ATG3: variants seen among roughly 807,000 people sequenced by gnomAD.
ATG3 encodes autophagy related 3, also known as ubiquitin-like-conjugating enzyme ATG3.
A neutral mutation model predicts 50.7 loss-of-function variants in ATG3; 25 were observed. The observed-to-expected ratio is 0.49, with a 90% CI of 0.36 to 0.69. The LOEUF is 0.69. ATG3 is among the 30% of genes least tolerant of loss of function. The pLI is 0.00. For synonymous variants in ATG3, 119 were observed against 125.5 expected (o/e 0.95, Z 0.34); for missense variants, 281 against 376.0 (o/e 0.75, Z 2.09).
At chr3:112,548,208 T>G (rs1933422821) in intron 5 of ATG3, among the ~76,000 whole-genome samples, 1 of 152,004 alleles carries the variant, frequency 6.6e-6, no homozygotes, top group Non-Finnish European at 1.5e-5. Flanking sequence ...AAAAATTAGC[T>G]GGGCGTGGGG....
At chr3:112,545,792 G>A (rs542425015) in intron 5 of ATG3, among the ~76,000 whole-genome samples, 1 of 152,092 alleles carries the variant, frequency 6.6e-6, no homozygotes, top group South Asian at 2.1e-4. Flanking sequence ...TACTCTAAAG[G>A]GTTATGGTAA....
chr3:112,534,776 TA>T (rs10718853), intron 10 of ATG3: 102,061 of 140,142 alleles, frequency 0.73, 40,700 homozygotes, highest in Non-Finnish European at 0.9. Flanking sequence ...TCAGGCAAAT[TA>T]AAAAAAAAAA....
intron 11 of ATG3, 35 bp downstream of exon 11, chr3:112,534,234 A>C (rs1932948493): frequency 6.3e-7 from 1 of 1,591,476 alleles, no homozygotes; most frequent in Non-Finnish European, 8.5e-7. Context: ...GTTAACAGCC[A>C]TTTTGCCACT....
chr3:112,534,380 A>T, intron 10 of ATG3, 43 bp from the exon 11 acceptor site: 1 of 1,458,104 alleles, frequency 6.9e-7, no homozygotes, highest in Non-Finnish European at 9.2e-7. Context: ...TAGATCGATT[A>T]GACCGAAAGA....
intron 2 of ATG3, among the ~76,000 whole-genome samples, chr3:112,557,361 C>A (rs747587212): frequency 1.3e-5 from 2 of 152,062 alleles, no homozygotes; most frequent in Non-Finnish European, 2.9e-5. Flanking sequence ...AGGAGCCGGG[C>A]GCAGTGGCTC....
rs754746142 is a variant in ATG3 at position 112,548,482 on chromosome 3, G to T, written c.343+51C>A. 5 of 1,417,182 alleles carry T rather than the reference G, an allele frequency of 3.5e-6. No homozygotes were observed. In the African/African-American group the frequency reaches 5.7e-5, roughly 16 times the overall value. 87.8% of individuals were successfully genotyped at this position (1,417,182 alleles called of 1,614,324 possible). A position where few individuals can be genotyped will look rare whatever the true frequency, so the allele number is the denominator to read the frequency against. Reference sequence around the variant, plus strand: ...TAAATCAAGGCTATTATAAAAGATTGTGAAAGAGTTTAATTTAAACTAAAT... The same window carrying T: ...TAAATCAAGGCTATTATAAAAGATTTTGAAAGAGTTTAATTTAAACTAAAT... On this transcript the variant is annotated intron_variant, in intron 5 of 11. Coordinates refer to ENST00000283290, the MANE Select transcript of ATG3 (RefSeq NM_022488.5).
chr3:112,559,857 C>T (rs1299761842), intron 1 of ATG3, among the ~76,000 whole-genome samples: 1 of 152,184 alleles, frequency 6.6e-6, no homozygotes, highest in Non-Finnish European at 1.5e-5. Context: ...ATACTCCAAA[C>T]AAAACATGAT....
intron 6 of ATG3, among the ~76,000 whole-genome samples, chr3:112,542,539 C>T (rs1302127742): frequency 1.3e-5 from 2 of 151,992 alleles, no homozygotes; most frequent in Non-Finnish European, 2.9e-5. Context: ...TTACATTTTA[C>T]TTAGGGGTGG....
At chr3:112,545,492 T>G (rs1933346956) in intron 5 of ATG3, among the ~76,000 whole-genome samples, 1 of 152,222 alleles carries the variant, frequency 6.6e-6, no homozygotes, top group East Asian at 1.9e-4. Context: ...TCAACATGCC[T>G]AAACAAAATA....
At position 112,541,959 on chromosome 3, in the gene ATG3, C is replaced by G; in HGVS notation, c.394-75G>C. 2.7e-6 allele frequency: 3 copies of G among 1,107,068 alleles called. No homozygotes were observed. The South Asian group carries it at 4.6e-5, about 17-fold the overall frequency. 68.6% of individuals were successfully genotyped at this position (1,107,068 alleles called of 1,614,324 possible). A position where few individuals can be genotyped will look rare whatever the true frequency, so the allele number is the denominator to read the frequency against. On this transcript the variant is annotated intron_variant, in intron 6 of 11. Coordinates refer to ENST00000283290, the MANE Select transcript of ATG3 (RefSeq NM_022488.5). ...AACACTGAACACCCATGTGCTAGCA[C>G]AGTGGTAACCACTGTGAAAATAAGA...
chr3:112,552,625 T>A lies in ATG3; in HGVS notation c.164+655A>T, dbSNP rs188570855. ...ACATGTTCAGTAAATTTTGTTAATT[T>A]AAAAAAAAAAAACCTGTTCAAAAAT... is the stretch of plus-strand genomic sequence containing the variant. On this transcript the variant is annotated intron_variant, in intron 3 of 11. Transcript: ENST00000283290. Among the ~76,000 whole-genome samples the A allele has an allele frequency of 6.0e-3, 859 of 142,818 alleles. 13 individuals carry two copies. The highest frequency in any genetic ancestry group is 0.02 in the African/African-American group (807 of 39,372). 93.7% of individuals were successfully genotyped at this position (142,818 alleles called of 152,430 possible).
In ATG3 at chr3:112,561,874, C is replaced by G. The variant is rs1046845667; in HGVS notation, c.-346G>C. 2 of 285,798 alleles carry G rather than the reference C, an allele frequency of 7.0e-6. No homozygotes were observed. The highest frequency in any genetic ancestry group is 6.6e-6 in the Non-Finnish European group (1 of 151,664). 17.7% of individuals were successfully genotyped at this position (285,798 alleles called of 1,614,324 possible). On this transcript the variant is annotated 5_prime_UTR_variant, in exon 1 of 12. Coordinates refer to ENST00000283290, the MANE Select transcript of ATG3 (RefSeq NM_022488.5). Reference sequence around the variant, plus strand: ...TCGCCCTCTGCGAGCTGTCTGTCCTCGCTTTGCTTCACTCGCGCCCCTTCC... The same window carrying G: ...TCGCCCTCTGCGAGCTGTCTGTCCTGGCTTTGCTTCACTCGCGCCCCTTCC...
At chr3:112,550,102 G>GA in intron 4 of ATG3, 90 bp downstream of exon 4, 1 of 923,230 alleles carries the variant, frequency 1.1e-6, no homozygotes. Flanking sequence ...TAAAACTAAG[G>GA]AAAAAATTTT....
chr3:112,549,798 C>CAAAAAAAA, intron 4 of ATG3, among the ~76,000 whole-genome samples: 1 of 116,814 alleles, frequency 8.6e-6, no homozygotes, highest in Non-Finnish European at 1.7e-5. Context: ...TCAAAACAAC[C>CAAAAAAAA]AAAAAAAAAA....
chr3:112,559,022 A>G (rs1394953370), intron 1 of ATG3, among the ~76,000 whole-genome samples: 1 of 152,244 alleles, frequency 6.6e-6, no homozygotes, highest in Non-Finnish European at 1.5e-5. Flanking sequence ...TACAGGCGTG[A>G]GCCACTGCGC....
At chr3:112,556,499 C>A (rs1933686919) in intron 2 of ATG3, among the ~76,000 whole-genome samples, 1 of 152,144 alleles carries the variant, frequency 6.6e-6, no homozygotes, top group South Asian at 2.1e-4. Flanking sequence ...GCCCCTCTGC[C>A]CGGCCACCAC....
intron 7 of ATG3, among the ~76,000 whole-genome samples, chr3:112,539,588 T>C (rs1559843270): frequency 1.3e-5 from 2 of 152,344 alleles, no homozygotes; most frequent in East Asian, 1.9e-4. Context: ...TTAACACTTA[T>C]AACTAATACT....
intron 2 of ATG3, among the ~76,000 whole-genome samples, chr3:112,556,468 G>A (rs1363502883): frequency 4.6e-5 from 7 of 152,106 alleles, no homozygotes; most frequent in Non-Finnish European, 7.4e-5. Flanking sequence ...CTGCCCGGCC[G>A]CCCCTACTGG....
At chr3:112,551,345 G>A (rs987666020) in intron 3 of ATG3, among the ~76,000 whole-genome samples, 1 of 152,184 alleles carries the variant, frequency 6.6e-6, no homozygotes, top group African/African-American at 2.4e-5. Flanking sequence ...TCTGAGGAAA[G>A]AGTTAAAATA....
Sources: gnomAD v4.1 joint callset for allele counts (sites outside exome capture counted in the v4.1 genomes callset) on GRCh38, gnomAD v4.1.1 for gene constraint, MANE v1.5 for transcripts, NCBI Gene and HGNC (gene_info 2026-07-23, HGNC 2026-07-21) for gene names.